YAP1: variants seen among roughly 807,000 people sequenced by gnomAD.
YAP1 encodes the protein transcriptional coactivator YAP1.
Under a neutral mutation model 56.9 loss-of-function variants are expected in YAP1, and 5 were observed. The observed-to-expected ratio is 0.09, with a 90% confidence interval of 0.05 to 0.18. The LOEUF (loss-of-function observed/expected upper bound fraction) is 0.18, where lower values mean the gene tolerates loss of function less well. Among genes scored for constraint, YAP1 ranks in the 10% least tolerant of loss-of-function variants. The pLI is 1.00. For synonymous variants in YAP1, 265 were observed against 248.1 expected (o/e 1.07, Z -0.64); for missense variants, 539 against 651.8 (o/e 0.83, Z 1.88).
At chr11:102,134,647 G>A (rs935089241) in intron 2 of YAP1, among the ~76,000 whole-genome samples, 30 of 151,806 alleles carry the variant, frequency 2.0e-4, no homozygotes, top group African/African-American at 7.3e-4. Flanking sequence ...AGTCTTCCAC[G>A]TACCTCTCAC....
At chr11:102,168,945 G>A (rs776084122) in intron 3 of YAP1, among the ~76,000 whole-genome samples, 3 of 152,192 alleles carry the variant, frequency 2.0e-5, no homozygotes, top group Non-Finnish European at 4.4e-5. Context: ...ACAGGGTTGA[G>A]GTGTTGGTAA....
chr11:102,157,414 C>G (rs1946019027), intron 2 of YAP1, among the ~76,000 whole-genome samples: 1 of 152,160 alleles, frequency 6.6e-6, no homozygotes, highest in Non-Finnish European at 1.5e-5. Context: ...GCATGTGACT[C>G]TATAACACTT....
chr11:102,168,334 A>G (rs960233656), intron 3 of YAP1, among the ~76,000 whole-genome samples: 1 of 152,228 alleles, frequency 6.6e-6, no homozygotes, highest in Non-Finnish European at 1.5e-5. Flanking sequence ...TCCAGAAATA[A>G]CTGTATGACA....
intron 2 of YAP1, among the ~76,000 whole-genome samples, chr11:102,139,212 AGTT>A (rs1443729502): frequency 5.6e-5 from 8 of 142,268 alleles, no homozygotes; most frequent in Non-Finnish European, 1.1e-4. Context: ...GGATATTCCT[AGTT>A]GTTCTCTTGA....
intron 3 of YAP1, among the ~76,000 whole-genome samples, chr11:102,184,865 T>G (rs999981987): frequency 2.6e-5 from 4 of 152,330 alleles, no homozygotes; most frequent in African/African-American, 9.6e-5. Flanking sequence ...TGGCTTTGAG[T>G]ACCATTCCTG....
intron 3 of YAP1, among the ~76,000 whole-genome samples, chr11:102,167,563 T>C (rs963208904): frequency 5.9e-5 from 9 of 152,092 alleles, no homozygotes; most frequent in African/African-American, 2.2e-4. Context: ...TGAAACCCCG[T>C]CTCCACTAAA....
In YAP1 at chr11:102,225,194, C is replaced by A. The variant is rs555085095; in HGVS notation, c.1163+1442C>A. Among the ~76,000 whole-genome samples the A allele has an allele frequency of 7.7e-5, 11 of 143,276 alleles. No homozygotes were observed. In the South Asian group the frequency reaches 2.3e-3, roughly 29 times the overall value. 94.0% of individuals were successfully genotyped at this position (143,276 alleles called of 152,430 possible). On this transcript the variant is annotated intron_variant, in intron 7 of 8. Coordinates refer to ENST00000282441, the MANE Select transcript of YAP1 (RefSeq NM_001130145.3). ...CTTTTTTTTTCTTTAAAAAAAAAAA[C>A]AACTCTTGGCTGGGCATGATGGCTC...
chr11:102,223,531 C>T (rs534333664), intron 6 of YAP1, 91 bp from the exon 7 acceptor site: 38 of 1,387,320 alleles, frequency 2.7e-5, no homozygotes, highest in African/African-American at 5.8e-5. Flanking sequence ...TCTATCTGCA[C>T]GGTTACTCTG....
intron 2 of YAP1, among the ~76,000 whole-genome samples, chr11:102,156,498 T>C (rs941329357): frequency 6.6e-6 from 1 of 152,212 alleles, no homozygotes; most frequent in African/African-American, 2.4e-5. Flanking sequence ...AAAATATTTC[T>C]TTATTTTTAG....
At chr11:102,228,559 C>T (rs57027482) in intron 8 of YAP1, among the ~76,000 whole-genome samples, 44,806 of 144,288 alleles carry the variant, frequency 0.31, 6,926 homozygotes, top group East Asian at 0.37. Context: ...CATTTGAACC[C>T]GGGAGGCGGA....
In YAP1 at chr11:102,110,886, C is replaced by G. The variant is rs1255203435; in HGVS notation, c.38C>G (p.Pro13Arg). ...CAGCAGCCGCCGCCTCAACCGGCCC[C>G]CCAGGGCCAAGGGCAGCCGCCTTCG... ...PGQQPPPQPAPQGQGQPPSQP... is the reference protein window; with the variant it reads ...PGQQPPPQPARQGQGQPPSQP... Residue 13 changes from proline to arginine, a missense_variant, in exon 1 of 9, where the codon CCC becomes CGC. Coordinates refer to ENST00000282441, the MANE Select transcript of YAP1 (RefSeq NM_001130145.3). The G allele has an allele frequency of 3.5e-6, 5 of 1,432,214 alleles. No homozygotes were observed. Among genetic ancestry groups the G allele is most frequent in the African/African-American group, 3.0e-5 (2 of 67,004 alleles). 88.7% of individuals were successfully genotyped at this position (1,432,214 alleles called of 1,614,324 possible).
chr11:102,131,242 C>T (rs560801853), intron 2 of YAP1, among the ~76,000 whole-genome samples: 11 of 152,292 alleles, frequency 7.2e-5, no homozygotes, highest in African/African-American at 2.2e-4. Context: ...AGGCCATTGT[C>T]GATGTTGCTC....
At chr11:102,111,712 C>G (rs1230887661) in intron 1 of YAP1, among the ~76,000 whole-genome samples, 1 of 152,208 alleles carries the variant, frequency 6.6e-6, no homozygotes, top group African/African-American at 2.4e-5. Flanking sequence ...CCTCTCGGTC[C>G]ACTTCAGTCT....
At chr11:102,205,530 A>G (rs1478615238) in intron 4 of YAP1, among the ~76,000 whole-genome samples, 2 of 152,080 alleles carry the variant, frequency 1.3e-5, no homozygotes, top group African/African-American at 4.8e-5. Context: ...CTATTCATCA[A>G]TTTTTATATC....
At chr11:102,131,528 A>G (rs1160890474) in intron 2 of YAP1, among the ~76,000 whole-genome samples, 1 of 152,214 alleles carries the variant, frequency 6.6e-6, no homozygotes, top group Non-Finnish European at 1.5e-5. Context: ...GTTCAGCATT[A>G]TGTGTGTAGC....
intron 3 of YAP1, among the ~76,000 whole-genome samples, chr11:102,175,408 A>G (rs975217574): frequency 2.0e-5 from 3 of 151,954 alleles, no homozygotes; most frequent in African/African-American, 7.3e-5. Flanking sequence ...TCAAAAAAAA[A>G]CTTATTTCTT....
intron 2 of YAP1, among the ~76,000 whole-genome samples, chr11:102,122,986 AC>A (rs1296113828): frequency 6.6e-6 from 1 of 151,008 alleles, no homozygotes; most frequent in Non-Finnish European, 1.5e-5. Flanking sequence ...AGAGGCAAGC[AC>A]TTTCCACTCC....
At chr11:102,122,462 C>T (rs1336068518) in intron 2 of YAP1, among the ~76,000 whole-genome samples, 1 of 151,886 alleles carries the variant, frequency 6.6e-6, no homozygotes, top group African/African-American at 2.4e-5. Flanking sequence ...GAAGGAAGCA[C>T]CAGATTCTAC....
intron 2 of YAP1, among the ~76,000 whole-genome samples, chr11:102,134,327 A>G (rs1468352088): frequency 6.6e-6 from 1 of 152,048 alleles, no homozygotes; most frequent in Non-Finnish European, 1.5e-5. Flanking sequence ...TAGAAATATC[A>G]GGATGCTATA....
Sources: gnomAD v4.1 joint callset for allele counts (sites outside exome capture counted in the v4.1 genomes callset) on GRCh38, gnomAD v4.1.1 for gene constraint, MANE v1.5 for transcripts, NCBI Gene and HGNC (gene_info 2026-07-23, HGNC 2026-07-21) for gene names.